The following KLHL29 variants were observed in gnomAD, a reference collection of about 807,000 sequenced individuals.
KLHL29 encodes kelch like family member 29, also known as kelch-like protein 29.
In KLHL29, 21 loss-of-function variants were observed where a neutral mutation model predicts 80.4. That is an observed-to-expected ratio of 0.26 (90% CI 0.19 to 0.38). The LOEUF (loss-of-function observed/expected upper bound fraction) is 0.38, where lower values mean the gene tolerates loss of function less well. Among genes scored for constraint, KLHL29 ranks in the 10% least tolerant of loss-of-function variants. The pLI is 1.00. For missense variants in KLHL29, 867 were observed against 1,223.9 expected, an observed-to-expected ratio of 0.71 and a Z score of 4.35; for synonymous variants, 511 against 526.8, an observed-to-expected ratio of 0.97 and a Z score of 0.41.
At chr2:23,392,237 A>G (rs552749887) in intron 1 of KLHL29, among the ~76,000 whole-genome samples, 4 of 152,326 alleles carry the variant, frequency 2.6e-5, no homozygotes, top group Admixed American at 1.3e-4. Context: ...GTAGATGCCA[A>G]TCCTGTTCAA....
intron 1 of KLHL29, among the ~76,000 whole-genome samples, chr2:23,436,774 G>A (rs1056928110): frequency 6.6e-6 from 1 of 152,186 alleles, no homozygotes; most frequent in South Asian, 2.1e-4. Flanking sequence ...CACCATTTAA[G>A]CCCATGTCTT....
intron 3 of KLHL29, among the ~76,000 whole-genome samples, chr2:23,571,405 T>G (rs149151563): frequency 1.5e-3 from 223 of 152,338 alleles, no homozygotes; most frequent in African/African-American, 5.2e-3. Context: ...GTTCATTTTC[T>G]CTCCTTCTCC....
chr2:23,680,824 C>G lies in KLHL29; in HGVS notation c.941-3575C>G, dbSNP rs1420432978. Among the ~76,000 whole-genome samples the G allele has an allele frequency of 2.0e-5, 3 of 151,926 alleles. No individual in the cohort carries two copies. In the East Asian group the frequency reaches 5.8e-4, roughly 29 times the overall value. ...GCCATCTTCTCCTGGGGTCTCTAGGCCATCATCTTCTCCCGCAGAATCCTG... is the reference window on the plus strand; with the variant it reads ...GCCATCTTCTCCTGGGGTCTCTAGGGCATCATCTTCTCCCGCAGAATCCTG... On this transcript the variant is annotated intron_variant, in intron 5 of 13. Transcript: ENST00000486442. The surrounding 1 kb of genome is among the most constrained non-coding windows in gnomAD (Gnocchi z 4.1).
At chr2:23,556,684 C>T (rs1021881961) in intron 2 of KLHL29, among the ~76,000 whole-genome samples, 5 of 151,740 alleles carry the variant, frequency 3.3e-5, no homozygotes, top group African/African-American at 1.2e-4. Context: ...CTTCAGGGTT[C>T]TGCCCTCCTC....
At chr2:23,477,654 A>C (rs1197183532) in intron 2 of KLHL29, among the ~76,000 whole-genome samples, 1 of 152,230 alleles carries the variant, frequency 6.6e-6, no homozygotes, top group Non-Finnish European at 1.5e-5. Flanking sequence ...CTTGCTAGCG[A>C]TATCGCCGGC....
intron 2 of KLHL29, among the ~76,000 whole-genome samples, chr2:23,498,199 G>A (rs1433036371): frequency 3.3e-5 from 5 of 152,166 alleles, no homozygotes; most frequent in African/African-American, 1.2e-4. Context: ...GGCAGGGTAG[G>A]TTTGTTTGTT....
chr2:23,512,980 G>T (rs1233132884), intron 2 of KLHL29, among the ~76,000 whole-genome samples: 2 of 152,250 alleles, frequency 1.3e-5, no homozygotes, highest in African/African-American at 4.8e-5. Flanking sequence ...GCCGTGGGCT[G>T]TGGGATGTGG....
chr2:23,445,575 G>A (rs780556198), intron 1 of KLHL29, among the ~76,000 whole-genome samples: 1 of 152,230 alleles, frequency 6.6e-6, no homozygotes, highest in African/African-American at 2.4e-5. Context: ...GCTGCAATGA[G>A]TAATCTCTAG....
At chr2:23,414,943 T>C (rs1666949853) in intron 1 of KLHL29, among the ~76,000 whole-genome samples, 1 of 152,130 alleles carries the variant, frequency 6.6e-6, no homozygotes, top group South Asian at 2.1e-4. Flanking sequence ...ATTAAAAGGA[T>C]ATTAGTCAGC....
rs117810686 is a variant in KLHL29 at position 23,462,720 on chromosome 2, A to G, written c.-153-12840A>G. On this transcript the variant is annotated intron_variant, in intron 1 of 13. Transcript: ENST00000486442. ...GCAGTTCCCCACTTTCCCAAAGAAA[A>G]GCTTTCCAAAAACTTTTTAGCCAAC... Among the ~76,000 whole-genome samples, 781 of 152,358 alleles carry G rather than the reference A, an allele frequency of 5.1e-3. 17 individuals are homozygous for G. Among genetic ancestry groups the G allele is most frequent in the East Asian group, 0.041 (215 of 5,188 alleles).
intron 2 of KLHL29, among the ~76,000 whole-genome samples, chr2:23,531,938 A>G (rs1030524226): frequency 2.0e-5 from 3 of 152,174 alleles, no homozygotes; most frequent in Admixed American, 6.5e-5. Flanking sequence ...TGTGAACCTG[A>G]AAGAACCAAG....
rs531262556 is a variant in KLHL29, at chr2:23,457,969, C to T, written c.-153-17591C>T. On this transcript the variant is annotated intron_variant, in intron 1 of 13. Coordinates refer to ENST00000486442, the MANE Select transcript of KLHL29 (RefSeq NM_052920.2). This position sits in a 1 kb window ranked among gnomAD's most constrained non-coding sequence, Gnocchi z 4.3. The stretch of plus-strand genomic sequence containing the variant: ...CGGAGCTTGCAGTGAACTGAGATCA[C>T]GCCACTGCACTCCAGCCTGGGCGAC... 2.3e-4 allele frequency among the ~76,000 whole-genome samples: 35 copies of T among 152,158 alleles called. No individual in the cohort carries two copies. The East Asian group carries it at 6.0e-3, about 26-fold the overall frequency.
intron 2 of KLHL29, among the ~76,000 whole-genome samples, chr2:23,539,520 T>C (rs1370826314): frequency 7.0e-6 from 1 of 142,188 alleles, no homozygotes; most frequent in African/African-American, 2.6e-5. Context: ...TGGCTCACTG[T>C]AACCTCCGCC....
chr2:23,640,502 G>T (rs1258619889), intron 4 of KLHL29, among the ~76,000 whole-genome samples: 1 of 152,138 alleles, frequency 6.6e-6, no homozygotes, highest in Admixed American at 6.5e-5. Context: ...GGAAAGAGCA[G>T]AGCTTGGGAT....
At chr2:23,394,310 C>T (rs1275021218) in intron 1 of KLHL29, among the ~76,000 whole-genome samples, 1 of 152,200 alleles carries the variant, frequency 6.6e-6, no homozygotes. Context: ...GATATATATT[C>T]AGCTCCTGGA....
chr2:23,388,584 TTTA>T (rs1490850972), intron 1 of KLHL29, among the ~76,000 whole-genome samples: 1 of 152,216 alleles, frequency 6.6e-6, no homozygotes, highest in African/African-American at 2.4e-5. Context: ...TCCATTCATT[TTTA>T]TTTAGTCAAC....
At chr2:23,598,189 G>A (rs1668476229) in intron 3 of KLHL29, among the ~76,000 whole-genome samples, 1 of 152,214 alleles carries the variant, frequency 6.6e-6, no homozygotes, top group Non-Finnish European at 1.5e-5. Flanking sequence ...TGCCAGGCAT[G>A]AGTAAGTGCC....
intron 1 of KLHL29, among the ~76,000 whole-genome samples, chr2:23,448,729 C>T (rs1011836142): frequency 1.3e-5 from 2 of 152,198 alleles, no homozygotes; most frequent in African/African-American, 4.8e-5. Context: ...AGTTGGCATG[C>T]CTTTTGCTGC....
intron 11 of KLHL29, among the ~76,000 whole-genome samples, chr2:23,701,978 AATT>A (rs1370325318): frequency 1.4e-5 from 1 of 71,484 alleles, no homozygotes; most frequent in Non-Finnish European, 2.9e-5. Flanking sequence ...ATGCCCAGCT[AATT>A]TTTTTTTTTT....
Sources: allele counts gnomAD v4.1 joint callset (sites outside exome capture counted in the v4.1 genomes callset), GRCh38; gene constraint gnomAD v4.1.1; non-coding constraint Gnocchi (gnomAD v3.1); transcripts MANE v1.5; gene names NCBI Gene and HGNC (gene_info 2026-07-23, HGNC 2026-07-21).